Variants in DTX4 observed in about 807,000 individuals in gnomAD.
DTX4 encodes the protein E3 ubiquitin-protein ligase DTX4.
A neutral mutation model predicts 57.6 loss-of-function variants in DTX4; 28 were observed. That is an observed-to-expected ratio of 0.49 (90% CI 0.36 to 0.67). The LOEUF (loss-of-function observed/expected upper bound fraction) is 0.67. DTX4 is among the 30% of genes least tolerant of loss of function. The pLI, the probability that DTX4 is intolerant of heterozygous loss-of-function variation, is 0.00. For missense variants in DTX4, 715 were observed against 836.8 expected (o/e 0.85, Z 1.80); for synonymous variants, 316 against 331.0 (o/e 0.95, Z 0.49).
chr11:59,189,795 G>C (rs1235737111), intron 4 of DTX4, among the ~76,000 whole-genome samples: 7 of 152,166 alleles, frequency 4.6e-5, no homozygotes, highest in Admixed American at 3.9e-4. Flanking sequence ...TCCCTGTCCT[G>C]TGTCCCCCTA....
chr11:59,183,324 C>T (rs1056397157), intron 2 of DTX4, among the ~76,000 whole-genome samples: 1 of 152,170 alleles, frequency 6.6e-6, no homozygotes, highest in Non-Finnish European at 1.5e-5. Context: ...TTAGTGATGA[C>T]TTATTATGTG....
intron 8 of DTX4, among the ~76,000 whole-genome samples, chr11:59,203,148 C>T (rs900396598): frequency 1.3e-5 from 2 of 152,232 alleles, no homozygotes; most frequent in Non-Finnish European, 2.9e-5. Context: ...CTGTGCACTA[C>T]TAAAGACTTT....
At chr11:59,176,735 G>T (rs909579144) in intron 1 of DTX4, among the ~76,000 whole-genome samples, 1 of 152,348 alleles carries the variant, frequency 6.6e-6, no homozygotes, top group African/African-American at 2.4e-5. Context: ...GGTTTTGGGT[G>T]CTTTGTAACG....
chr11:59,182,139 G>C lies in DTX4; in HGVS notation c.612G>C (p.Val204=). ...TGGTGATGAGTGTTAAGGCAGCCGT[G>C]GTCAATGGCAGCACTGGGCCCCTAC... ...CVLVMSVKAA[V]VNGSTGPLQL... is the part of the protein sequence containing the mutation. Residue 204 remains valine, a synonymous_variant, in exon 2 of 9, where the codon GTG becomes GTC. Transcript: ENST00000227451. 6.2e-7 allele frequency: 1 copy of C among 1,613,436 alleles called. No homozygotes were observed. The highest frequency in any genetic ancestry group is 8.5e-7 in the Non-Finnish European group (1 of 1,179,782).
intron 6 of DTX4, 55 bp from the exon 7 acceptor site, chr11:59,195,153 A>C: frequency 6.3e-7 from 1 of 1,598,806 alleles, no homozygotes. Context: ...ACTGGGTGGG[A>C]AAGTTATTAC....
intron 2 of DTX4, among the ~76,000 whole-genome samples, chr11:59,183,561 G>A (rs1303273832): frequency 6.6e-6 from 1 of 152,182 alleles, no homozygotes. Flanking sequence ...CTCTGCCTGT[G>A]GCCCCTGATC....
chr11:59,207,303 C>T lies in DTX4; in HGVS notation c.*2394C>T, dbSNP rs1018011180. The stretch of plus-strand genomic sequence containing the variant: ...GGCCAGGAGCAGAAGGAAGAAGACT[C>T]AAGATGGAAAGGGAGCCGCTGTGCC... On this transcript the variant is annotated 3_prime_UTR_variant, in exon 9 of 9. Transcript: ENST00000227451. 5 of 152,540 alleles carry T rather than the reference C, an allele frequency of 3.3e-5. No individual in the cohort carries two copies. The East Asian group carries it at 7.7e-4, about 24-fold the overall frequency. The allele number at this position is 152,540 out of a possible 1,614,324, so 9.4% of individuals were successfully genotyped here. A position where few individuals can be genotyped will look rare whatever the true frequency, so the allele number is the denominator to read the frequency against.
In DTX4 at chr11:59,195,248, G is replaced by C. The variant is rs1352012145; in HGVS notation, c.1415G>C (p.Gly472Ala). 2 of 1,613,782 alleles carry C rather than the reference G, an allele frequency of 1.2e-6. No homozygotes were observed. The part of the protein sequence containing the change: ...LQCPTCKTIY[G>A]VKTGTQPPGK... Reference sequence around the variant, plus strand: ...TGTCCAACCTGCAAGACCATTTATGGGGTGAAGACAGGCACCCAACCTCCA... The same window carrying C: ...TGTCCAACCTGCAAGACCATTTATGCGGTGAAGACAGGCACCCAACCTCCA... Residue 472 changes from glycine (G) to alanine (A), a missense_variant, in exon 7 of 9, where the codon GGG becomes GCG. Gly to Ala is a moderately conservative substitution (Grantham distance 60). Transcript: ENST00000227451.
chr11:59,199,833 T>A, intron 8 of DTX4, 60 bp downstream of exon 8: 1 of 1,411,460 alleles, frequency 7.1e-7, no homozygotes, highest in African/African-American at 1.4e-5. Context: ...AGTTTACTTC[T>A]ATGTCAAGGC....
Position 59,172,420 on chromosome 11 carries a change from T to G in DTX4, c.-176T>G. ...GGCGGCCCCGGTGTCCCGGCCCCGGTGGATGCACGGCTGGGGAGGAGCCCA... is the reference window on the plus strand; with the variant it reads ...GGCGGCCCCGGTGTCCCGGCCCCGGGGGATGCACGGCTGGGGAGGAGCCCA... On this transcript the variant is annotated 5_prime_UTR_variant, in exon 1 of 9. Transcript: ENST00000227451. 1.5e-5 allele frequency: 3 copies of G among 198,216 alleles called. No homozygotes were observed. Among genetic ancestry groups the G allele is most frequent in the Non-Finnish European group, 2.9e-5 (3 of 105,096 alleles). The allele number at this position is 198,216 out of a possible 1,614,324, so 12.3% of individuals were successfully genotyped here.
chr11:59,177,578 C>T (rs374978714), intron 1 of DTX4, among the ~76,000 whole-genome samples: 1 of 152,184 alleles, frequency 6.6e-6, no homozygotes, highest in African/African-American at 2.4e-5. Context: ...CTTCCATACC[C>T]TCTCTGGCTC....
At chr11:59,191,992 T>C in intron 5 of DTX4, 106 bp from the exon 6 acceptor site, 1 of 1,328,166 alleles carries the variant, frequency 7.5e-7, no homozygotes, top group Non-Finnish European at 1.0e-6. Context: ...TGTGGGTGTT[T>C]TAGAAGAGAA....
At chr11:59,199,235 C>CAG (rs1472660832) in intron 7 of DTX4, among the ~76,000 whole-genome samples, 4 of 152,144 alleles carry the variant, frequency 2.6e-5, no homozygotes, top group South Asian at 2.1e-4. Context: ...TCAATTTTAG[C>CAG]AGAGCCACTA....
chr11:59,181,800 G>A lies in DTX4; in HGVS notation c.273G>A (p.Val91=), dbSNP rs771913438. 19 of 1,613,824 alleles carry A rather than the reference G, an allele frequency of 1.2e-5. No homozygotes were observed. Among genetic ancestry groups the A allele is most frequent in the Admixed American group, 1.7e-5 (1 of 59,990 alleles). ...CCTCCTCGGCCCCTGGGAAGGGCGT[G>A]GTGTGGGAGTGGGAGAACGACAATG... ...YDPSSAPGKG[V]VWEWENDNGS... Residue 91 remains valine, a synonymous_variant, in exon 2 of 9, where the codon GTG becomes GTA. Transcript: ENST00000227451.
At chr11:59,176,314 C>A (rs1276011803) in intron 1 of DTX4, among the ~76,000 whole-genome samples, 1 of 152,242 alleles carries the variant, frequency 6.6e-6, no homozygotes. Flanking sequence ...TTAATCCTCA[C>A]AACAATCTTA....
chr11:59,204,894 C>T lies in DTX4; in HGVS notation c.1845C>T (p.Ala615=), dbSNP rs1428979891. Residue 615 remains alanine (A), a synonymous_variant, in exon 9 of 9, where the codon GCC becomes GCT. Transcript: ENST00000227451. ...AAQGISEDST[A]QEKD ...AGGGCATCTCTGAGGACAGCACTGC[C>T]CAGGAGAAGGACTGAGGCCAGAAAA... 6.3e-7 allele frequency: 1 copy of T among 1,584,030 alleles called. No individual in the cohort carries two copies. The highest frequency in any genetic ancestry group is 1.1e-5 in the South Asian group (1 of 87,038).
At chr11:59,171,837 AAAAG>A (rs896404920), upstream of DTX4, among the ~76,000 whole-genome samples, 7 of 152,086 alleles carry the variant, frequency 4.6e-5, no homozygotes, top group Admixed American at 1.3e-4. Context: ...TAAGGAAAAA[AAAAG>A]AGAGAGAGAG....
At chr11:59,176,591 G>A (rs189084660) in intron 1 of DTX4, among the ~76,000 whole-genome samples, 146 of 152,342 alleles carry the variant, frequency 9.6e-4, no homozygotes, top group African/African-American at 3.3e-3. Context: ...ATGCTGGTAA[G>A]AGCGGCCTGG....
chr11:59,189,724 C>T (rs1255408529), intron 4 of DTX4, among the ~76,000 whole-genome samples: 1 of 152,188 alleles, frequency 6.6e-6, no homozygotes, highest in Non-Finnish European at 1.5e-5. Context: ...ATAGTCACAA[C>T]TGGTATAACT....
Sources: gnomAD v4.1 joint callset for allele counts (sites outside exome capture counted in the v4.1 genomes callset) on GRCh38, gnomAD v4.1.1 for gene constraint, MANE v1.5 for transcripts, NCBI Gene and HGNC (gene_info 2026-07-23, HGNC 2026-07-21) for gene names.